Variants in DSCAM observed in about 807,000 individuals in gnomAD.
The protein encoded by DSCAM is DS cell adhesion molecule.
Under a neutral mutation model 217.7 loss-of-function variants are expected in DSCAM, and 47 were observed. The observed-to-expected ratio is 0.22, with a 90% CI of 0.17 to 0.28. The LOEUF (loss-of-function observed/expected upper bound fraction) is 0.28. Ranked by LOEUF, DSCAM falls within the 10% of genes least tolerant of loss-of-function variation. The pLI, the probability that DSCAM is intolerant of heterozygous loss-of-function variation, is 1.00. For synonymous variants in DSCAM, 1,056 were observed against 1,015.3 expected (o/e 1.04, Z -0.76); for missense variants, 2,080 against 2,618.3 (o/e 0.79, Z 4.49).
intron 3 of DSCAM, among the ~76,000 whole-genome samples, chr21:40,401,310 C>T (rs2075231155): frequency 6.6e-6 from 1 of 152,134 alleles, no homozygotes; most frequent in East Asian, 1.9e-4. Flanking sequence ...CTCACAGAGG[C>T]TATTAAAAAG....
At chr21:40,733,126 G>A (rs777963651) in intron 1 of DSCAM, among the ~76,000 whole-genome samples, 2 of 152,220 alleles carry the variant, frequency 1.3e-5, no homozygotes, top group Non-Finnish European at 2.9e-5. Context: ...AGACATGCAT[G>A]CAGGTGCTGG....
intron 28 of DSCAM, among the ~76,000 whole-genome samples, chr21:40,058,620 T>C (rs898088205): frequency 2.0e-5 from 3 of 152,228 alleles, no homozygotes; most frequent in African/African-American, 4.8e-5. Context: ...AGACTTTGTT[T>C]TGAGGCAATA....
intron 3 of DSCAM, among the ~76,000 whole-genome samples, chr21:40,548,334 G>A (rs1273035307): frequency 6.6e-6 from 1 of 152,042 alleles, no homozygotes; most frequent in African/African-American, 2.4e-5. Flanking sequence ...CTCCTCCCAA[G>A]GGGGTTCGGC....
At chr21:40,223,057 T>C (rs1015392977) in intron 11 of DSCAM, among the ~76,000 whole-genome samples, 4 of 152,186 alleles carry the variant, frequency 2.6e-5, no homozygotes, top group African/African-American at 9.6e-5. Flanking sequence ...CCAACCTTTG[T>C]TCCCTTCTCA....
At chr21:40,843,444 A>G (rs2837855) in intron 1 of DSCAM, among the ~76,000 whole-genome samples, 3,937 of 152,032 alleles carry the variant, frequency 0.026, 208 homozygotes, top group East Asian at 0.14. Context: ...GCAAAACTAT[A>G]TTACATATAA....
chr21:40,141,753 G>A (rs75357566), intron 18 of DSCAM, among the ~76,000 whole-genome samples: 6,981 of 152,180 alleles, frequency 0.046, 209 homozygotes, highest in East Asian at 0.13. Context: ...CAGTGAGCAG[G>A]CTTCCAGAGG....
intron 9 of DSCAM, among the ~76,000 whole-genome samples, chr21:40,309,831 T>C (rs775584536): frequency 3.3e-5 from 5 of 152,178 alleles, no homozygotes; most frequent in African/African-American, 9.7e-5. Context: ...ATGTCTGAAA[T>C]AGCCTGTTAA....
At chr21:40,471,591 A>G (rs370791995) in intron 3 of DSCAM, among the ~76,000 whole-genome samples, 58 of 152,194 alleles carry the variant, frequency 3.8e-4, no homozygotes, top group African/African-American at 1.4e-3. Context: ...ATTGCTGGAG[A>G]AACTGAGGCA....
intron 1 of DSCAM, among the ~76,000 whole-genome samples, chr21:40,810,606 T>C (rs1164021806): frequency 6.6e-6 from 1 of 152,140 alleles, no homozygotes; most frequent in African/African-American, 2.4e-5. Context: ...GAGGTAATAA[T>C]GAAAATTTTT....
At chr21:40,604,077 T>G (rs1281001814) in intron 3 of DSCAM, among the ~76,000 whole-genome samples, 1 of 152,122 alleles carries the variant, frequency 6.6e-6, no homozygotes, top group African/African-American at 2.4e-5. Flanking sequence ...GTGTTATACC[T>G]TTTGTAATTG....
At chr21:40,494,490 T>G (rs1474944657) in intron 3 of DSCAM, among the ~76,000 whole-genome samples, 1 of 152,142 alleles carries the variant, frequency 6.6e-6, no homozygotes, top group Non-Finnish European at 1.5e-5. Context: ...TCCTGAATGA[T>G]CAATGGGTCA....
chr21:40,141,975 TACAC>T (rs72076559), intron 18 of DSCAM, among the ~76,000 whole-genome samples: 2 of 143,200 alleles, frequency 1.4e-5, no homozygotes, highest in East Asian at 2.0e-4. Flanking sequence ...CCACTTGAAA[TACAC>T]ACACACACAC....
At chr21:40,619,773 G>T (rs1345728549) in intron 3 of DSCAM, among the ~76,000 whole-genome samples, 1 of 151,488 alleles carries the variant, frequency 6.6e-6, no homozygotes, top group African/African-American at 2.4e-5. Context: ...GAATTGGAAA[G>T]CTTTTGAAAG....
At chr21:40,570,146 G>A (rs1456855185) in intron 3 of DSCAM, among the ~76,000 whole-genome samples, 1 of 152,322 alleles carries the variant, frequency 6.6e-6, no homozygotes, top group Non-Finnish European at 1.5e-5. Context: ...GAAACTCAAA[G>A]AGCTGGCAGG....
At chr21:40,407,981 A>G (rs2075292729) in intron 3 of DSCAM, among the ~76,000 whole-genome samples, 2 of 152,190 alleles carry the variant, frequency 1.3e-5, no homozygotes, top group Admixed American at 6.5e-5. Flanking sequence ...CCATCAAAGG[A>G]ACTTAGCTCT....
intron 9 of DSCAM, among the ~76,000 whole-genome samples, chr21:40,309,992 C>T (rs2074120187): frequency 6.6e-6 from 1 of 152,182 alleles, no homozygotes; most frequent in African/African-American, 2.4e-5. Flanking sequence ...AAAATGGCTG[C>T]ACGTTCTAAT....
intron 18 of DSCAM, among the ~76,000 whole-genome samples, chr21:40,137,783 C>T (rs1474687132): frequency 1.3e-5 from 2 of 151,818 alleles, no homozygotes; most frequent in Non-Finnish European, 2.9e-5. Context: ...TATATCTTGC[C>T]TCATCCTCAG....
intron 1 of DSCAM, among the ~76,000 whole-genome samples, chr21:40,766,349 T>TTTTTTTTTCC (rs529735263): frequency 7.6e-4 from 116 of 152,210 alleles, no homozygotes; most frequent in African/African-American, 2.7e-3. Flanking sequence ...ATATATATTT[T>TTTTTTTTTCC]CAAAGGATTA....
At chr21:40,651,141 T>C (rs2090008186) in intron 3 of DSCAM, among the ~76,000 whole-genome samples, 1 of 152,234 alleles carries the variant, frequency 6.6e-6, no homozygotes, top group East Asian at 1.9e-4. Flanking sequence ...GATTTGCAGC[T>C]CAGGTCATTG....
Sources: allele counts gnomAD v4.1 joint callset (sites outside exome capture counted in the v4.1 genomes callset), GRCh38; gene constraint gnomAD v4.1.1; transcripts MANE v1.5; gene names NCBI Gene and HGNC (gene_info 2026-07-23, HGNC 2026-07-21).